The following NUP214 variants were observed in gnomAD, a reference collection of about 807,000 sequenced individuals.
NUP214 encodes the protein nuclear pore complex protein Nup214.
In NUP214, 79 loss-of-function variants were observed where a neutral mutation model predicts 196.2. The ratio of observed to expected loss-of-function variants is 0.40; its 90% CI spans 0.34 to 0.49. The LOEUF is 0.49. Among genes scored for constraint, NUP214 ranks in the 20% least tolerant of loss-of-function variants. The pLI is 0.58. For missense variants in NUP214, 2,468 were observed against 2,539.0 expected (o/e 0.97, Z 0.60); for synonymous variants, 1,020 against 990.5 (o/e 1.03, Z -0.56).
intron 30 of NUP214, among the ~76,000 whole-genome samples, chr9:131,204,594 G>A (rs1834029402): frequency 6.6e-6 from 1 of 152,216 alleles, no homozygotes; most frequent in Non-Finnish European, 1.5e-5. Flanking sequence ...CTGCGCTGTA[G>A]TTTGCTGACC....
intron 31 of NUP214, among the ~76,000 whole-genome samples, chr9:131,221,021 A>G (rs1486076153): frequency 2.0e-5 from 3 of 152,196 alleles, no homozygotes; most frequent in Admixed American, 6.5e-5. Flanking sequence ...TTGCATTGCT[A>G]GCACTAACAA....
intron 31 of NUP214, 177 bp from the exon 32 acceptor site, chr9:131,222,601 G>A (rs966527522): frequency 3.5e-6 from 2 of 578,004 alleles, no homozygotes; most frequent in African/African-American, 1.9e-5. Flanking sequence ...TCCCAGCAAG[G>A]TGCGTGAAAA....
chr9:131,166,010 G>A (rs892638596), intron 21 of NUP214, among the ~76,000 whole-genome samples: 1 of 152,170 alleles, frequency 6.6e-6, no homozygotes, highest in African/African-American at 2.4e-5. Context: ...TTTGCACAGG[G>A]AAAATAGTTC....
At chr9:131,196,672 A>G (rs1360400011) in intron 28 of NUP214, among the ~76,000 whole-genome samples, 1 of 152,232 alleles carries the variant, frequency 6.6e-6, no homozygotes, top group Non-Finnish European at 1.5e-5. Context: ...TCCAGAGCCC[A>G]TGTCCTTGAC....
chr9:131,180,692 C>T (rs1833250523), intron 24 of NUP214, among the ~76,000 whole-genome samples: 1 of 152,188 alleles, frequency 6.6e-6, no homozygotes, highest in African/African-American at 2.4e-5. Flanking sequence ...TCGCTTGATT[C>T]AGCAGATTCT....
chr9:131,210,288 A>T (rs916960074), intron 30 of NUP214, among the ~76,000 whole-genome samples: 12 of 152,214 alleles, frequency 7.9e-5, no homozygotes, highest in African/African-American at 2.9e-4. Flanking sequence ...AAATAGTTGA[A>T]ACAGTGGTTG....
chr9:131,186,270 C>T (rs966416662), intron 24 of NUP214, among the ~76,000 whole-genome samples: 2 of 152,174 alleles, frequency 1.3e-5, no homozygotes, highest in Non-Finnish European at 2.9e-5. Context: ...AAGCATGAAA[C>T]GGGTTTTGTT....
chr9:131,219,952 G>A (rs904477802), intron 31 of NUP214, among the ~76,000 whole-genome samples: 8 of 152,132 alleles, frequency 5.3e-5, no homozygotes, highest in South Asian at 4.1e-4. Flanking sequence ...ACTCTGTATC[G>A]GATTTAATTG....
chr9:131,163,043 C>A lies in NUP214; in HGVS notation c.2593C>A (p.Arg865=). The A allele has an allele frequency of 6.2e-7, 1 of 1,614,188 alleles. No individual in the cohort carries two copies. ...ETLFNTLANN[R]EIINQQRKRL... ...ACTGTTTAACACCCTAGCCAACAAT[C>A]GGGAAATCATCAACCAACAGAGGAA... The change falls in exon 19 of 36, where the codon CGG becomes AGG. Residue 865 remains arginine (R), a synonymous_variant. Transcript: ENST00000359428.
In NUP214 at chr9:131,128,492, C is replaced by G. The variant is rs1831432948; in HGVS notation, c.393+9C>G. 6.3e-7 allele frequency: 1 copy of G among 1,599,264 alleles called. No homozygotes were observed. The highest frequency in any genetic ancestry group is 1.7e-5 in the Admixed American group (1 of 58,200). On this transcript the variant is annotated intron_variant, in intron 3 of 35. Transcript: ENST00000359428. ...GCACATTCTCAAATGAGGTAAGCTA[C>G]TGTTATACTGTGATGTCAACATGAG...
chr9:131,167,835 T>G (rs569575106), intron 21 of NUP214, among the ~76,000 whole-genome samples: 1 of 152,356 alleles, frequency 6.6e-6, no homozygotes, highest in Admixed American at 6.5e-5. Context: ...TTGCAGATAC[T>G]CACTTTGCCT....
Position 131,202,413 on chromosome 9 carries a change from T to TTTTGTTTG in NUP214, c.5592+708_5592+715dup, listed in dbSNP as rs552353985. Among the ~76,000 whole-genome samples, 353 of 151,980 alleles carry TTTTGTTTG rather than the reference T, an allele frequency of 2.3e-3. 4 individuals are homozygous for TTTTGTTTG. Among genetic ancestry groups the TTTTGTTTG allele is most frequent in the African/African-American group, 8.2e-3 (339 of 41,444 alleles). ...CACACACACACACACATATATATAT[T>TTTTGTTTG]TTTGTTTGTTTGTTTGTTTTTGTTT... On this transcript the variant is annotated intron_variant, in intron 30 of 35. Transcript: ENST00000359428.
chr9:131,188,385 C>T (rs1417490776), intron 25 of NUP214, among the ~76,000 whole-genome samples: 1 of 152,236 alleles, frequency 6.6e-6, no homozygotes, highest in Non-Finnish European at 1.5e-5. Context: ...TGCTGAAACT[C>T]TTCCTAAGAA....
chr9:131,158,989 T>C (rs935491267), intron 17 of NUP214: 5 of 162,136 alleles, frequency 3.1e-5, no homozygotes, highest in Non-Finnish European at 4.0e-5. Flanking sequence ...TCAAGTGATC[T>C]GCTTGCCTCA....
chr9:131,222,060 A>T (rs1834574282), intron 31 of NUP214, among the ~76,000 whole-genome samples: 1 of 152,138 alleles, frequency 6.6e-6, no homozygotes. Context: ...CATAGTTGAG[A>T]GGGGGATGAC....
chr9:131,129,965 T>G (rs1272538017), intron 4 of NUP214, among the ~76,000 whole-genome samples: 2 of 151,994 alleles, frequency 1.3e-5, no homozygotes, highest in Non-Finnish European at 2.9e-5. Context: ...TAATTTAACC[T>G]GAATGTACTT....
intron 24 of NUP214, among the ~76,000 whole-genome samples, chr9:131,185,386 T>C (rs1833425394): frequency 6.6e-6 from 1 of 152,260 alleles, no homozygotes; most frequent in Admixed American, 6.5e-5. Context: ...GCAGGAACTT[T>C]AGTGTTGCTG....
At chr9:131,230,496 T>C in intron 33 of NUP214, 134 bp from the exon 34 acceptor site, 1 of 1,017,254 alleles carries the variant, frequency 9.8e-7, no homozygotes, top group Non-Finnish European at 1.5e-6. Flanking sequence ...GAAAGGCTGC[T>C]AGTTAGGCCC....
chr9:131,127,639 G>A lies in NUP214; in HGVS notation c.161G>A (p.Gly54Asp). The change falls in exon 2 of 36, where the codon GGT becomes GAT. Residue 54 changes from glycine (G) to aspartate (D), a missense_variant. This residue lies in a region of NUP214 where 392 missense variants were observed against 417.9 expected (regional missense o/e 0.94). Transcript: ENST00000359428. ...AACAAATATGGTCTGGTCTTCGCTG[G>A]TGGAGCCAGTGGCTTGCAGATTTTT... ...VSNKYGLVFAGGASGLQIFPT... is the reference protein window; with the variant it reads ...VSNKYGLVFADGASGLQIFPT... The A allele has an allele frequency of 6.2e-7, 1 of 1,614,140 alleles. No individual in the cohort carries two copies. The highest frequency in any genetic ancestry group is 8.5e-7 in the Non-Finnish European group (1 of 1,180,012).
Sources: gnomAD v4.1 joint callset for allele counts (sites outside exome capture counted in the v4.1 genomes callset) on GRCh38, gnomAD v4.1.1 for gene constraint, gnomAD v4.1.1 regional missense constraint, MANE v1.5 for transcripts, NCBI Gene and HGNC (gene_info 2026-07-23, HGNC 2026-07-21) for gene names.